DEUP1: variants seen among roughly 807,000 people sequenced by gnomAD.
DEUP1 encodes the protein deuterosome assembly protein 1, also known as coiled-coil domain containing 67.
DEUP1 carries 82 observed loss-of-function variants against 87.4 expected under a neutral mutation model. That is an observed-to-expected ratio of 0.94 (90% CI 0.78 to 1.13). The LOEUF (loss-of-function observed/expected upper bound fraction) is 1.13, where lower values mean the gene tolerates loss of function less well. DEUP1 is among the 50% of genes most tolerant of loss of function. The probability of loss-of-function intolerance (pLI) is 0.00; values close to 1 mark genes in which losing one functional copy is unlikely to be tolerated. For missense variants in DEUP1, 663 were observed against 681.5 expected, an observed-to-expected ratio of 0.97 and a Z score of 0.30; for synonymous variants, 214 against 222.7, an observed-to-expected ratio of 0.96 and a Z score of 0.35.
chr11:93,364,026 T>A (rs954935635), intron 4 of DEUP1, 134 bp from the exon 5 acceptor site: 21 of 643,878 alleles, frequency 3.3e-5, no homozygotes, highest in Non-Finnish European at 5.0e-5. Flanking sequence ...CTTCACTAAT[T>A]GAAACATTTA....
In DEUP1 at chr11:93,394,666, C is replaced by T. The variant is rs1179046479; in HGVS notation, c.1239+10C>T. 6.3e-7 allele frequency: 1 copy of T among 1,595,740 alleles called. No individual in the cohort carries two copies. The highest frequency in any genetic ancestry group is 1.1e-5 in the South Asian group (1 of 88,966). The stretch of plus-strand genomic sequence containing the variant: ...GTTAGCAAAACAAAAGGTATGCAAG[C>T]AGGCAGAATAGCACTTGTCTAGGGC... On this transcript the variant is annotated intron_variant, in intron 10 of 13. Transcript: ENST00000298050.
intron 8 of DEUP1, among the ~76,000 whole-genome samples, chr11:93,387,625 T>A (rs1213440413): frequency 6.6e-6 from 1 of 152,146 alleles, no homozygotes; most frequent in African/African-American, 2.4e-5. Flanking sequence ...TTGACATTTG[T>A]TTCATTCACT....
chr11:93,355,993 T>G (rs919429502), intron 3 of DEUP1, among the ~76,000 whole-genome samples: 2 of 152,138 alleles, frequency 1.3e-5, no homozygotes, highest in Non-Finnish European at 2.9e-5. Context: ...GGTAAAGGGG[T>G]GTGTGTATAC....
intron 7 of DEUP1, 37 bp downstream of exon 7, chr11:93,371,317 G>A: frequency 6.3e-7 from 1 of 1,584,426 alleles, no homozygotes; most frequent in South Asian, 1.2e-5. Flanking sequence ...TATTGTCCAT[G>A]ACTTGTATAA....
At chr11:93,412,396 A>G (rs1200599331) in intron 12 of DEUP1, among the ~76,000 whole-genome samples, 1 of 152,244 alleles carries the variant, frequency 6.6e-6, no homozygotes, top group Non-Finnish European at 1.5e-5. Context: ...TGATATGCAT[A>G]GCACTTTATG....
intron 1 of DEUP1, among the ~76,000 whole-genome samples, 196 bp from the exon 2 acceptor site, chr11:93,332,020 C>A (rs4753455): frequency 2.6e-5 from 4 of 151,896 alleles, no homozygotes; most frequent in South Asian, 4.1e-4. Context: ...CAGCCTGGGC[C>A]ACAGAGCTAG....
chr11:93,379,674 G>T (rs1287816300), intron 7 of DEUP1, among the ~76,000 whole-genome samples: 1 of 152,056 alleles, frequency 6.6e-6, no homozygotes, highest in Non-Finnish European at 1.5e-5. Flanking sequence ...TTACTCTTCT[G>T]ACCCAAGTTC....
At chr11:93,371,575 TC>T (rs1434335788) in intron 7 of DEUP1, among the ~76,000 whole-genome samples, 1 of 152,060 alleles carries the variant, frequency 6.6e-6, no homozygotes, top group East Asian at 1.9e-4. Context: ...ACTACCCTCT[TC>T]CCCCACTATT....
At chr11:93,389,261 C>T in intron 9 of DEUP1, 136 bp downstream of exon 9, 1 of 626,458 alleles carries the variant, frequency 1.6e-6, no homozygotes, top group Non-Finnish European at 2.8e-6. Flanking sequence ...ATCTACCAAG[C>T]TGCTAATTCC....
At chr11:93,383,513 G>T in intron 7 of DEUP1, 1 of 610,378 alleles carries the variant, frequency 1.6e-6, no homozygotes, top group South Asian at 2.1e-5. Flanking sequence ...TTCCTTTGGG[G>T]ATGATGAAAA....
chr11:93,410,438 A>G (rs1042851452), intron 12 of DEUP1, among the ~76,000 whole-genome samples: 9 of 152,214 alleles, frequency 5.9e-5, no homozygotes, highest in African/African-American at 1.7e-4. Context: ...GTAAGAATAT[A>G]TGTTCTAATA....
At chr11:93,391,912 C>T (rs11020299) in intron 9 of DEUP1, among the ~76,000 whole-genome samples, 2,272 of 152,070 alleles carry the variant, frequency 0.015, 23 homozygotes, top group East Asian at 0.059. Context: ...TACTTGTGCT[C>T]GTGTCTCTTA....
intron 2 of DEUP1, among the ~76,000 whole-genome samples, chr11:93,351,436 G>A (rs1308788469): frequency 1.3e-5 from 2 of 152,140 alleles, no homozygotes; most frequent in Non-Finnish European, 2.9e-5. Flanking sequence ...AGATGGTAAT[G>A]AACCAGACTG....
Position 93,364,141 on chromosome 11 carries a change from C to T in DEUP1, c.298-19C>T. 2.6e-6 allele frequency: 4 copies of T among 1,519,738 alleles called. No homozygotes were observed. Among genetic ancestry groups the T allele is most frequent in the Non-Finnish European group, 3.6e-6 (4 of 1,108,546 alleles). 94.1% of individuals were successfully genotyped at this position (1,519,738 alleles called of 1,614,324 possible). A position where few individuals can be genotyped will look rare whatever the true frequency, so the allele number is the denominator to read the frequency against. On this transcript the variant is annotated intron_variant, in intron 4 of 13. Coordinates refer to ENST00000298050, the MANE Select transcript of DEUP1 (RefSeq NM_181645.4). Reference sequence around the variant, plus strand: ...ATAATTGGTAATAGTAAAATGTTAACATTTTCTGTGATTTACAGTTTTCCA... The same window carrying T: ...ATAATTGGTAATAGTAAAATGTTAATATTTTCTGTGATTTACAGTTTTCCA...
chr11:93,409,504 ACTGTG>A (rs1947375105), intron 12 of DEUP1, among the ~76,000 whole-genome samples: 1 of 152,190 alleles, frequency 6.6e-6, no homozygotes, highest in Admixed American at 6.5e-5. Context: ...GTTAACTTAC[ACTGTG>A]ATTGTCCAAC....
At chr11:93,381,528 G>C (rs1268950763) in intron 7 of DEUP1, among the ~76,000 whole-genome samples, 1 of 152,094 alleles carries the variant, frequency 6.6e-6, no homozygotes, top group Non-Finnish European at 1.5e-5. Flanking sequence ...CTTGAAATGT[G>C]TCAGTATGCT....
intron 5 of DEUP1, among the ~76,000 whole-genome samples, chr11:93,368,551 G>A (rs1945538871): frequency 6.6e-6 from 1 of 152,162 alleles, no homozygotes; most frequent in Non-Finnish European, 1.5e-5. Context: ...GAGAAAGAGA[G>A]AGAAAAGGGG....
intron 8 of DEUP1, among the ~76,000 whole-genome samples, chr11:93,386,805 A>C (rs1003552670): frequency 2.6e-5 from 4 of 152,218 alleles, no homozygotes; most frequent in Admixed American, 6.5e-5. Flanking sequence ...GTGCTGTTCC[A>C]GTATGGTGAG....
intron 2 of DEUP1, among the ~76,000 whole-genome samples, chr11:93,353,620 A>G (rs1944741722): frequency 6.6e-6 from 1 of 152,214 alleles, no homozygotes; most frequent in African/African-American, 2.4e-5. Context: ...GCATTTCCGT[A>G]TATCTTCTGA....
Sources: allele counts gnomAD v4.1 joint callset (sites outside exome capture counted in the v4.1 genomes callset), GRCh38; gene constraint gnomAD v4.1.1; transcripts MANE v1.5; gene names NCBI Gene and HGNC (gene_info 2026-07-23, HGNC 2026-07-21).